CNTN3: variants seen among roughly 807,000 people sequenced by gnomAD.
CNTN3 encodes the protein contactin 3, also known as contactin-3.
CNTN3 carries 60 observed loss-of-function variants against 119.1 expected under a neutral mutation model. The ratio of observed to expected loss-of-function variants is 0.50; its 90% CI spans 0.41 to 0.62. The LOEUF is 0.62. Among genes scored for constraint, CNTN3 ranks in the 20% least tolerant of loss-of-function variants. CNTN3 has a pLI of 0.00. For missense variants in CNTN3, 1,101 were observed against 1,242.4 expected, an observed-to-expected ratio of 0.89 and a Z score of 1.71; for synonymous variants, 450 against 438.7, an observed-to-expected ratio of 1.03 and a Z score of -0.32.
intron 4 of CNTN3, among the ~76,000 whole-genome samples, chr3:74,428,204 G>A (rs1048953700): frequency 3.3e-5 from 5 of 151,982 alleles, no homozygotes; most frequent in East Asian, 3.9e-4. Flanking sequence ...TAACTGTTAC[G>A]GGTTTATGTA....
At chr3:74,404,743 C>CGG in intron 5 of CNTN3, among the ~76,000 whole-genome samples, 1 of 152,054 alleles carries the variant, frequency 6.6e-6, no homozygotes, top group South Asian at 2.1e-4. Context: ...GATTTTTCTA[C>CGG]TGTGTGTTTC....
intron 20 of CNTN3, among the ~76,000 whole-genome samples, chr3:74,278,264 T>C (rs563647981): frequency 6.6e-6 from 1 of 151,926 alleles, no homozygotes; most frequent in Middle Eastern, 3.4e-3. Context: ...TAAAAAAAAC[T>C]CTAAAATTCA....
chr3:74,495,958 C>T (rs1703055213), intron 3 of CNTN3, among the ~76,000 whole-genome samples: 1 of 151,996 alleles, frequency 6.6e-6, no homozygotes, highest in Admixed American at 6.6e-5. Flanking sequence ...GTTGTGGGCC[C>T]AGGGGTCGAC....
chr3:74,389,293 C>T (rs1704834893), intron 5 of CNTN3, among the ~76,000 whole-genome samples: 1 of 152,034 alleles, frequency 6.6e-6, no homozygotes, highest in African/African-American at 2.4e-5. Context: ...TAGGTAAGAG[C>T]TTTCTAGTTA....
chr3:74,319,575 C>G (rs978671159), intron 13 of CNTN3, among the ~76,000 whole-genome samples: 4 of 151,922 alleles, frequency 2.6e-5, no homozygotes, highest in African/African-American at 9.7e-5. Context: ...AGAAGAGAAC[C>G]TAGGCAATAC....
chr3:74,290,795 C>G (rs1316193521), intron 19 of CNTN3, among the ~76,000 whole-genome samples: 1 of 152,008 alleles, frequency 6.6e-6, no homozygotes, highest in South Asian at 2.1e-4. Context: ...TGGTTCATGC[C>G]ATTCTCCTGC....
At chr3:74,440,264 C>T (rs536858256) in intron 4 of CNTN3, among the ~76,000 whole-genome samples, 4 of 152,144 alleles carry the variant, frequency 2.6e-5, no homozygotes, top group African/African-American at 7.2e-5. Context: ...AACACTGCTT[C>T]GCACATATTA....
chr3:74,343,216 C>G (rs1163029477), intron 11 of CNTN3, among the ~76,000 whole-genome samples: 7 of 152,208 alleles, frequency 4.6e-5, no homozygotes, highest in Admixed American at 4.6e-4. Flanking sequence ...CTTAGCCTTC[C>G]TGGCACAGGC....
chr3:74,570,637 G>C (rs532641666), intron 1 of CNTN3, among the ~76,000 whole-genome samples: 1 of 151,678 alleles, frequency 6.6e-6, no homozygotes, highest in Non-Finnish European at 1.5e-5. Context: ...TTATGTTACA[G>C]TGTGGCCAAT....
At chr3:74,298,827 G>A (rs920354073) in intron 17 of CNTN3, among the ~76,000 whole-genome samples, 1 of 150,922 alleles carries the variant, frequency 6.6e-6, no homozygotes, top group Non-Finnish European at 1.5e-5. Flanking sequence ...AATCTGTGAG[G>A]TGGAGATTGC....
At chr3:74,369,693 T>G (rs1704289433) in intron 7 of CNTN3, among the ~76,000 whole-genome samples, 196 bp downstream of exon 7, 1 of 151,870 alleles carries the variant, frequency 6.6e-6, no homozygotes, top group Admixed American at 6.6e-5. Context: ...CAGAGTAATT[T>G]TCTTCAAATC....
chr3:74,275,403 C>T (rs1053888367), intron 20 of CNTN3, among the ~76,000 whole-genome samples: 1 of 152,146 alleles, frequency 6.6e-6, no homozygotes, highest in Non-Finnish European at 1.5e-5. Flanking sequence ...GAGACAAAAG[C>T]ACCAGGTAAC....
chr3:74,320,539 G>T (rs944085081), intron 13 of CNTN3, among the ~76,000 whole-genome samples: 14 of 151,996 alleles, frequency 9.2e-5, no homozygotes, highest in African/African-American at 3.1e-4. Context: ...GACGTGGGAG[G>T]GATAGCATTA....
chr3:74,283,680 T>A (rs1702058301), intron 20 of CNTN3, among the ~76,000 whole-genome samples: 1 of 152,128 alleles, frequency 6.6e-6, no homozygotes, highest in African/African-American at 2.4e-5. Context: ...TTGCATATAT[T>A]TTTGCAATCA....
Position 74,369,977 on chromosome 3 carries a change from A to C in CNTN3, c.673T>G (p.Tyr225Asp). ...AACTGAACTTCTATTTTAGGTTCAT[A>C]TTCACCCATCACACCTATAAATCCA... ...VLRSDGVMGE[Y>D]EPKIEVQFPE... The change falls in exon 7 of 23, where the codon TAT becomes GAT. Residue 225 changes from tyrosine to aspartate, a missense_variant. By Grantham distance (160) the Tyr-to-Asp change is radical (BLOSUM62 -3). Coordinates refer to ENST00000263665, the MANE Select transcript of CNTN3 (RefSeq NM_020872.3). 6.3e-7 allele frequency: 1 copy of C among 1,577,916 alleles called. No individual in the cohort carries two copies. The highest frequency in any genetic ancestry group is 1.7e-5 in the Admixed American group (1 of 59,154).
chr3:74,456,266 A>T (rs1487042962), intron 4 of CNTN3, among the ~76,000 whole-genome samples: 1 of 152,072 alleles, frequency 6.6e-6, no homozygotes, highest in East Asian at 1.9e-4. Flanking sequence ...AAAGCAATTT[A>T]AGAATATTCA....
intron 13 of CNTN3, among the ~76,000 whole-genome samples, chr3:74,305,331 T>A (rs1702540502): frequency 6.6e-6 from 1 of 152,072 alleles, no homozygotes; most frequent in South Asian, 2.1e-4. Context: ...ACAATTACTC[T>A]GGACAATTGT....
chr3:74,543,371 G>C (rs1397167470), intron 1 of CNTN3, among the ~76,000 whole-genome samples: 1 of 152,100 alleles, frequency 6.6e-6, no homozygotes, highest in African/African-American at 2.4e-5. Flanking sequence ...GGTCAAGATA[G>C]GGTTTTGGTA....
At chr3:74,340,421 G>A (rs1015904520) in intron 11 of CNTN3, among the ~76,000 whole-genome samples, 3 of 152,062 alleles carry the variant, frequency 2.0e-5, no homozygotes, top group Non-Finnish European at 2.9e-5. Context: ...GAAAAAAAGA[G>A]TGAGAGAGGA....
Sources: allele counts gnomAD v4.1 joint callset (sites outside exome capture counted in the v4.1 genomes callset), GRCh38; gene constraint gnomAD v4.1.1; transcripts MANE v1.5; gene names NCBI Gene and HGNC (gene_info 2026-07-23, HGNC 2026-07-21).